Variants in SBF2 observed in about 807,000 individuals in gnomAD.
SBF2 encodes SET binding factor 2.
SBF2 carries 112 observed loss-of-function variants against 225.2 expected under a neutral mutation model. That is an observed-to-expected ratio of 0.50 (90% CI 0.43 to 0.58). The LOEUF (loss-of-function observed/expected upper bound fraction) is 0.58, where lower values mean the gene tolerates loss of function less well. Among genes scored for constraint, SBF2 ranks in the 20% least tolerant of loss-of-function variants. The pLI, the probability that SBF2 is intolerant of heterozygous loss-of-function variation, is 0.00. For missense variants in SBF2, 1,996 were observed against 2,206.2 expected (o/e 0.90, Z 1.91); for synonymous variants, 763 against 773.3 (o/e 0.99, Z 0.22).
At chr11:10,238,295 G>C (rs572821895) in intron 1 of SBF2, among the ~76,000 whole-genome samples, 6 of 152,176 alleles carry the variant, frequency 3.9e-5, no homozygotes, top group African/African-American at 1.4e-4. Flanking sequence ...GGCAATCCCA[G>C]CTACTCGGGA....
intron 2 of SBF2, among the ~76,000 whole-genome samples, chr11:10,067,576 T>C (rs1178432246): frequency 6.6e-6 from 1 of 151,808 alleles, no homozygotes; most frequent in East Asian, 1.9e-4. Context: ...AACAAAAAAA[T>C]GCCCAGCATA....
chr11:9,780,583 G>C, intron 39 of SBF2, 67 bp from the exon 40 acceptor site: 1 of 1,307,308 alleles, frequency 7.6e-7, no homozygotes, highest in South Asian at 1.2e-5. Context: ...TGGGTAAGTG[G>C]TAAATCAGTT....
At chr11:10,116,956 A>T (rs979307259) in intron 2 of SBF2, among the ~76,000 whole-genome samples, 1 of 152,218 alleles carries the variant, frequency 6.6e-6, no homozygotes, top group Non-Finnish European at 1.5e-5. Flanking sequence ...AACATTATTG[A>T]TCATTTCTCT....
chr11:10,115,388 A>T (rs1023143390), intron 2 of SBF2, among the ~76,000 whole-genome samples: 1 of 152,220 alleles, frequency 6.6e-6, no homozygotes, highest in Non-Finnish European at 1.5e-5. Flanking sequence ...AGTAAATTCA[A>T]AAAATGGTGT....
chr11:9,904,439 C>T (rs1861965325), intron 16 of SBF2, among the ~76,000 whole-genome samples: 1 of 151,966 alleles, frequency 6.6e-6, no homozygotes, highest in African/African-American at 2.4e-5. Flanking sequence ...ATAACTTAGC[C>T]TCAAAGTATA....
At chr11:10,216,626 GT>G (rs1338036768) in intron 1 of SBF2, among the ~76,000 whole-genome samples, 1 of 152,022 alleles carries the variant, frequency 6.6e-6, no homozygotes, top group Non-Finnish European at 1.5e-5. Flanking sequence ...TCCCAGCACT[GT>G]GGGAGGCCAA....
At chr11:9,786,766 G>A (rs1472649275) in intron 36 of SBF2, among the ~76,000 whole-genome samples, 2 of 152,168 alleles carry the variant, frequency 1.3e-5, no homozygotes, top group Admixed American at 1.3e-4. Context: ...GATTAAATAG[G>A]ATACGAAGGT....
At chr11:9,938,922 TA>T (rs1865072526) in intron 16 of SBF2, among the ~76,000 whole-genome samples, 1 of 151,732 alleles carries the variant, frequency 6.6e-6, no homozygotes, top group Admixed American at 6.6e-5. Context: ...AACAGATAAA[TA>T]ATGTATTTGG....
chr11:10,058,815 T>C (rs369927755), intron 2 of SBF2, among the ~76,000 whole-genome samples: 2 of 152,102 alleles, frequency 1.3e-5, no homozygotes, highest in South Asian at 2.1e-4. Flanking sequence ...GACCATTCAG[T>C]TGAAATCCTA....
At chr11:10,185,650 G>A (rs1956907185) in intron 2 of SBF2, among the ~76,000 whole-genome samples, 1 of 149,768 alleles carries the variant, frequency 6.7e-6, no homozygotes, top group Non-Finnish European at 1.5e-5. Context: ...CAATAATAAT[G>A]GGCATGCAAT....
At chr11:10,143,065 T>G (rs1381604674) in intron 2 of SBF2, among the ~76,000 whole-genome samples, 1 of 152,220 alleles carries the variant, frequency 6.6e-6, no homozygotes, top group African/African-American at 2.4e-5. Context: ...TTCCTCTTCT[T>G]AAATTATTGC....
At chr11:10,184,490 T>G (rs1250644305) in intron 2 of SBF2, among the ~76,000 whole-genome samples, 1 of 152,200 alleles carries the variant, frequency 6.6e-6, no homozygotes, top group African/African-American at 2.4e-5. Context: ...ATTTATCATC[T>G]TAACAATCTT....
intron 2 of SBF2, among the ~76,000 whole-genome samples, chr11:10,067,543 A>C (rs1950672304): frequency 1.3e-5 from 2 of 152,126 alleles, no homozygotes; most frequent in Admixed American, 6.6e-5. Flanking sequence ...TAACCAAAAA[A>C]ACAAAAACAA....
chr11:10,232,195 G>A (rs1263737728), intron 1 of SBF2, among the ~76,000 whole-genome samples: 1 of 152,208 alleles, frequency 6.6e-6, no homozygotes, highest in East Asian at 1.9e-4. Flanking sequence ...GATTTTCCAG[G>A]TGCCGTCTGT....
intron 2 of SBF2, among the ~76,000 whole-genome samples, chr11:10,090,062 A>G (rs1255791340): frequency 6.6e-6 from 1 of 152,234 alleles, no homozygotes; most frequent in Admixed American, 6.5e-5. Flanking sequence ...ACATTATGCT[A>G]AGTGAAATAA....
chr11:10,117,441 A>AAG (rs201113411), intron 2 of SBF2, among the ~76,000 whole-genome samples: 21,911 of 120,566 alleles, frequency 0.18, 1,659 homozygotes, highest in East Asian at 0.33. Context: ...AATCCAACTC[A>AAG]AAAAAAAAAA....
chr11:9,914,522 C>T (rs1862910033), intron 16 of SBF2, among the ~76,000 whole-genome samples: 1 of 152,172 alleles, frequency 6.6e-6, no homozygotes, highest in Non-Finnish European at 1.5e-5. Context: ...ACTTTACACA[C>T]TTCACAAAAA....
chr11:10,267,037 T>G (rs1057386068), intron 1 of SBF2, among the ~76,000 whole-genome samples: 1 of 152,164 alleles, frequency 6.6e-6, no homozygotes, highest in Non-Finnish European at 1.5e-5. Context: ...GAAGTTGCAA[T>G]GGGCCGAGAT....
At chr11:9,828,630 T>C in intron 28 of SBF2, 1 of 985,354 alleles carries the variant, frequency 1.0e-6, no homozygotes, top group Non-Finnish European at 1.2e-6. Context: ...CATCACATGA[T>C]AACTGAAACA....
Sources: allele counts gnomAD v4.1 joint callset (sites outside exome capture counted in the v4.1 genomes callset), GRCh38; gene constraint gnomAD v4.1.1; transcripts MANE v1.5; gene names NCBI Gene and HGNC (gene_info 2026-07-23, HGNC 2026-07-21).